The following MTMR11 variants were observed in gnomAD, a reference collection of about 807,000 sequenced individuals.
MTMR11 encodes myotubularin related protein 11, also known as myotubularin-related protein 11.
A neutral mutation model predicts 100.0 loss-of-function variants in MTMR11; 89 were observed. That is an observed-to-expected ratio of 0.89 (90% CI 0.75 to 1.06). The LOEUF is 1.06. Among genes scored for constraint, MTMR11 ranks in the 50% least tolerant of loss-of-function variants. MTMR11 has a pLI of 0.00. For synonymous variants in MTMR11, 336 were observed against 326.3 expected (o/e 1.03, Z -0.32); for missense variants, 809 against 873.7 (o/e 0.93, Z 0.93).
intron 12 of MTMR11, 81 bp downstream of exon 12, chr1:149,931,863 G>T: frequency 3.9e-6 from 5 of 1,276,612 alleles, no homozygotes; most frequent in Non-Finnish European, 1.1e-6. Context: ...AGCCTTATGG[G>T]TCTCCCTCCC....
chr1:149,934,634 C>T lies in MTMR11; in HGVS notation c.469-108G>A, dbSNP rs186218776. 1,667 of 1,177,128 alleles carry T rather than the reference C, an allele frequency of 1.4e-3. 2 individuals carry two copies. Among genetic ancestry groups the T allele is most frequent in the Non-Finnish European group, 1.9e-3 (1,555 of 821,112 alleles). The allele number at this position is 1,177,128 out of a possible 1,614,324, so 72.9% of individuals were successfully genotyped here. A position where few individuals can be genotyped will look rare whatever the true frequency, so the allele number is the denominator to read the frequency against. On this transcript the variant is annotated intron_variant, in intron 5 of 16. Coordinates refer to ENST00000439741, the MANE Select transcript of MTMR11 (RefSeq NM_001145862.2). ...TCTCTTTGCCAAGAATGAAGAAGAA[C>T]AGTGAAGACAGTCCCTAGAGAAGGG...
intron 2 of MTMR11, 63 bp downstream of exon 2, chr1:149,936,091 A>G: frequency 2.6e-6 from 4 of 1,529,674 alleles, no homozygotes; most frequent in South Asian, 1.1e-5. Context: ...TGGTGAGGGC[A>G]TGAAACAAGA....
chr1:149,934,618 C>T (rs2092701172), intron 5 of MTMR11, 92 bp from the exon 6 acceptor site: 1 of 1,336,996 alleles, frequency 7.5e-7, no homozygotes, highest in African/African-American at 1.4e-5. Flanking sequence ...CTCTCTTTGC[C>T]AAGAATGAAG....
Position 149,935,439 on chromosome 1 carries a change from G to T in MTMR11, c.265-80C>A, listed in dbSNP as rs79378663. The T allele has an allele frequency of 1.1e-5, 18 of 1,581,314 alleles. No individual in the cohort carries two copies. The East Asian group carries it at 4.0e-4, about 35-fold the overall frequency. On this transcript the variant is annotated intron_variant, in intron 3 of 16. Coordinates refer to ENST00000439741, the MANE Select transcript of MTMR11 (RefSeq NM_001145862.2). ...CTGGCAGCCCCAACCCCTTCTAGGGGGCAACAACCCTAGAGAGAGTTCCCA... is the reference window on the plus strand; with the variant it reads ...CTGGCAGCCCCAACCCCTTCTAGGGTGCAACAACCCTAGAGAGAGTTCCCA...
rs372351834 is a variant in MTMR11, at chr1:149,934,173, G to A, written c.683+18C>T. Reference sequence around the variant, plus strand: ...AAGATTGGGAGAGCAGCAGGGTTGGGGTGCACTGGGGGATCACCTGGTGGC... The same window carrying A: ...AAGATTGGGAGAGCAGCAGGGTTGGAGTGCACTGGGGGATCACCTGGTGGC... On this transcript the variant is annotated intron_variant, in intron 7 of 16. Transcript: ENST00000439741. The A allele has an allele frequency of 6.2e-7, 1 of 1,613,314 alleles. No individual in the cohort carries two copies. Among genetic ancestry groups the A allele is most frequent in the Non-Finnish European group, 8.5e-7 (1 of 1,179,946 alleles).
Position 149,929,892 on chromosome 1 carries a change from G to C in MTMR11, c.1672C>G (p.Pro558Ala), listed in dbSNP as rs781996074. 3 of 1,613,434 alleles carry C rather than the reference G, an allele frequency of 1.9e-6. No individual in the cohort carries two copies. Among genetic ancestry groups the C allele is most frequent in the South Asian group, 2.2e-5 (2 of 91,062 alleles). ...PQPSFMVPGP[P>A]SSVWLFSRGA... ...CTAGAGAAGAGCCACACAGAACTGG[G>C]GGGTCCAGGAACCATGAAGCTTGGC... Residue 558 changes from proline (P) to alanine (A), a missense_variant, in exon 16 of 17, where the codon CCC (proline) becomes GCC (alanine). By Grantham distance (27) the Pro-to-Ala change is conservative (BLOSUM62 -1). Coordinates refer to ENST00000439741, the MANE Select transcript of MTMR11 (RefSeq NM_001145862.2).
Position 149,932,261 on chromosome 1 carries a change from T to A in MTMR11, c.1052+3A>T. On this transcript the variant is annotated splice_donor_region_variant and intron_variant, in intron 11 of 16. Transcript: ENST00000439741. ...ATGATGGCTAGAAGAAGCGAGGGAG[T>A]ACCTGACATAGTCCAGCCATCGTGT... is the stretch of plus-strand genomic sequence containing the variant. The A allele has an allele frequency of 6.2e-7, 1 of 1,612,978 alleles. No homozygotes were observed. Among genetic ancestry groups the A allele is most frequent in the Non-Finnish European group, 8.5e-7 (1 of 1,179,058 alleles).
intron 1 of MTMR11, 105 bp from the exon 2 acceptor site, chr1:149,936,334 CTG>C: frequency 6.5e-7 from 1 of 1,535,744 alleles, no homozygotes. Flanking sequence ...TCGGGGGAAA[CTG>C]AGATCAGTGT....
chr1:149,934,586 A>G, intron 5 of MTMR11, 60 bp from the exon 6 acceptor site: 1 of 1,518,090 alleles, frequency 6.6e-7, no homozygotes, highest in Non-Finnish European at 9.1e-7. Context: ...AAAGAAGGAA[A>G]TGGAGCCCAT....
At chr1:149,933,126 G>T (rs1432796994) in intron 10 of MTMR11, among the ~76,000 whole-genome samples, 1 of 151,708 alleles carries the variant, frequency 6.6e-6, no homozygotes, top group African/African-American at 2.4e-5. Context: ...TTGTGTGTGT[G>T]TGTATTTTTA....
At position 149,928,751 on chromosome 1, in the gene MTMR11, G is replaced by A; in HGVS notation, c.*378C>T. On this transcript the variant is annotated 3_prime_UTR_variant, in exon 17 of 17. Coordinates refer to ENST00000439741, the MANE Select transcript of MTMR11 (RefSeq NM_001145862.2). ...TTCCTGTATCCGCCTCATTCCCATAGAAAACTATAAGGGAAGAAATAGAAC... is the reference window on the plus strand; with the variant it reads ...TTCCTGTATCCGCCTCATTCCCATAAAAAACTATAAGGGAAGAAATAGAAC... 3.8e-6 allele frequency: 4 copies of A among 1,046,100 alleles called. No homozygotes were observed. Among genetic ancestry groups the A allele is most frequent in the Non-Finnish European group, 5.8e-6 (4 of 684,196 alleles). 64.8% of individuals were successfully genotyped at this position (1,046,100 alleles called of 1,614,324 possible). A position where few individuals can be genotyped will look rare whatever the true frequency, so the allele number is the denominator to read the frequency against.
intron 12 of MTMR11, 61 bp downstream of exon 12, chr1:149,931,872 CCTGAATGCAAT>C (rs1473065246): frequency 1.3e-5 from 18 of 1,386,034 alleles, no homozygotes; most frequent in Non-Finnish European, 1.6e-5. Context: ...GGTCTCCCTC[CCTGAATGCAAT>C]CTGGTCAGGT....
Position 149,929,813 on chromosome 1 carries a change from A to G in MTMR11, c.1751T>C (p.Leu584Pro). The G allele has an allele frequency of 6.2e-7, 1 of 1,614,206 alleles. No homozygotes were observed. The highest frequency in any genetic ancestry group is 8.5e-7 in the Non-Finnish European group (1 of 1,180,026). Residue 584 changes from leucine to proline, a missense_variant, in exon 16 of 17, where the codon CTG becomes CCG. Coordinates refer to ENST00000439741, the MANE Select transcript of MTMR11 (RefSeq NM_001145862.2). ...QLCPWRDSPSLLAVSSRWLPR... is the reference protein window; with the variant it reads ...QLCPWRDSPSPLAVSSRWLPR... The stretch of plus-strand genomic sequence containing the variant: ...GAGCCAACGAGAAGAGACTGCCAGC[A>G]GGGAAGGACTGTCCCGCCAAGGACA...
intron 15 of MTMR11, 169 bp downstream of exon 15, chr1:149,930,196 G>C: frequency 8.0e-6 from 6 of 748,742 alleles, no homozygotes; most frequent in Non-Finnish European, 1.3e-5. Flanking sequence ...TGCTATTCTA[G>C]GTCTTCTGTC....
chr1:149,929,672 T>C lies in MTMR11; in HGVS notation c.1892A>G (p.Gln631Arg), dbSNP rs1451783104. ...GTAGCAGCGTCTCCAGAGCCTGATCTGGGGTCCCAGATACCCAGGCAGCAG... is the reference window on the plus strand; with the variant it reads ...GTAGCAGCGTCTCCAGAGCCTGATCCGGGGTCCCAGATACCCAGGCAGCAG... ...GLLLPGYLGP[Q>R]IRLWRRCYLR... The change falls in exon 16 of 17, where the codon CAG becomes CGG. Residue 631 changes from glutamine to arginine, a missense_variant. Gln to Arg is a conservative substitution (Grantham distance 43). Coordinates refer to ENST00000439741, the MANE Select transcript of MTMR11 (RefSeq NM_001145862.2). 6.2e-7 allele frequency: 1 copy of C among 1,613,822 alleles called. No individual in the cohort carries two copies. The highest frequency in any genetic ancestry group is 1.3e-5 in the African/African-American group (1 of 74,902).
intron 1 of MTMR11, 145 bp downstream of exon 1, chr1:149,936,437 A>G (rs1013902639): frequency 6.5e-6 from 9 of 1,394,724 alleles, no homozygotes; most frequent in Non-Finnish European, 8.6e-6. Flanking sequence ...GAGACTGAGA[A>G]AGACGGACCA....
At chr1:149,930,062 C>T (rs2092638021) in intron 15 of MTMR11, 146 bp from the exon 16 acceptor site, 1 of 901,518 alleles carries the variant, frequency 1.1e-6, no homozygotes, top group African/African-American at 1.7e-5. Context: ...ACTCTTCTAC[C>T]CTCCTCATTA....
chr1:149,933,434 G>T lies in MTMR11; in HGVS notation c.957C>A (p.His319Gln). 6.2e-7 allele frequency: 1 copy of T among 1,614,156 alleles called. No individual in the cohort carries two copies. The highest frequency in any genetic ancestry group is 8.5e-7 in the Non-Finnish European group (1 of 1,180,042). ...GCAGGCAGAGGGCCCTCAGCCTCAG[G>T]TGGGCAAGTTGGACATCTGCAAGGC... is the stretch of plus-strand genomic sequence containing the variant. Reference protein sequence around the residue: ...LPSLADVQLAHLRLRALCLPD... With the variant: ...LPSLADVQLAQLRLRALCLPD... The change falls in exon 10 of 17, where the codon CAC becomes CAA. Residue 319 changes from histidine (H) to glutamine (Q), a missense_variant. Physicochemically the swap from His to Gln is conservative, Grantham distance 24. Coordinates refer to ENST00000439741, the MANE Select transcript of MTMR11 (RefSeq NM_001145862.2).
chr1:149,928,961 A>G lies in MTMR11; in HGVS notation c.*168T>C. 3 of 1,613,636 alleles carry G rather than the reference A, an allele frequency of 1.9e-6. No homozygotes were observed. Among genetic ancestry groups the G allele is most frequent in the South Asian group, 1.1e-5 (1 of 91,002 alleles). ...TTTCTTAATCCTTCAAATGACAAGA[A>G]GCAAAAATATTTGTAGAAACTAAGC... is the stretch of plus-strand genomic sequence containing the variant. On this transcript the variant is annotated 3_prime_UTR_variant, in exon 17 of 17. Transcript: ENST00000439741.
Sources: allele counts gnomAD v4.1 joint callset (sites outside exome capture counted in the v4.1 genomes callset), GRCh38; gene constraint gnomAD v4.1.1; transcripts MANE v1.5; gene names NCBI Gene and HGNC (gene_info 2026-07-23, HGNC 2026-07-21).